Variants in DYNC2I2 observed in about 807,000 individuals in gnomAD.
The protein encoded by DYNC2I2 is cytoplasmic dynein 2 intermediate chain 2.
A neutral mutation model predicts 52.0 loss-of-function variants in DYNC2I2; 39 were observed. That is an observed-to-expected ratio of 0.75 (90% CI 0.58 to 0.98). DYNC2I2 has a LOEUF of 0.98. Ranked by LOEUF, DYNC2I2 falls within the 50% of genes least tolerant of loss-of-function variation. The pLI is 0.00. For synonymous variants in DYNC2I2, 359 were observed against 321.1 expected (o/e 1.12, Z -1.26); for missense variants, 743 against 728.4 (o/e 1.02, Z -0.23).
At chr9:128,658,930 C>G (rs529902890), upstream of DYNC2I2, among the ~76,000 whole-genome samples, 1 of 151,562 alleles carries the variant, frequency 6.6e-6, no homozygotes, top group Non-Finnish European at 1.5e-5. Flanking sequence ...GGGGTCTCCC[C>G]GTGTTGCCCA....
the DYNC2I2 span, among the ~76,000 whole-genome samples, chr9:128,681,302 G>T: frequency 6.6e-6 from 1 of 151,902 alleles, no homozygotes. Context: ...TGTTGGCCAG[G>T]CTGGTCTTAA....
the DYNC2I2 span, among the ~76,000 whole-genome samples, chr9:128,666,117 T>G: frequency 6.6e-6 from 1 of 151,666 alleles, no homozygotes; most frequent in African/African-American, 2.4e-5. Context: ...TGACAAATAT[T>G]TTGGAAAAAT....
chr9:128,638,040 C>A (rs894531319), intron 2 of DYNC2I2, among the ~76,000 whole-genome samples: 1 of 151,456 alleles, frequency 6.6e-6, no homozygotes, highest in Non-Finnish European at 1.5e-5. Flanking sequence ...AGTTCAAGAC[C>A]AGTGTAGGCA....
chr9:128,633,769 C>CA lies in DYNC2I2; in HGVS notation c.1585dup (p.Cys529LeufsTer32). On this transcript the variant is annotated frameshift_variant, in exon 9 of 9. Coordinates refer to ENST00000372715, the MANE Select transcript of DYNC2I2 (RefSeq NM_052844.4). LOFTEE classifies it high-confidence loss of function. ...TCAGGCCGCCACCTCTGCTGCCAGG[C>CA]AGTCCAGGTCCTCAGCTTCCCGGGG... 6.2e-7 allele frequency: 1 copy of CA among 1,613,438 alleles called. No individual in the cohort carries two copies. The highest frequency in any genetic ancestry group is 8.5e-7 in the Non-Finnish European group (1 of 1,180,032).
At chr9:128,672,051 G>A in the DYNC2I2 span, among the ~76,000 whole-genome samples, 4 of 150,884 alleles carry the variant, frequency 2.7e-5, no homozygotes, top group Admixed American at 2.7e-4. Flanking sequence ...TCAGCTCACT[G>A]CAACCTCCAC....
At chr9:128,649,688 C>CAAAAAAAAAAAAAA (rs34154610) in intron 1 of DYNC2I2, among the ~76,000 whole-genome samples, 5 of 47,230 alleles carry the variant, frequency 1.1e-4, no homozygotes, top group African/African-American at 6.8e-4. Context: ...GACTCCATCT[C>CAAAAAAAAAAAAAA]AAAAAAAAAA....
intron 4 of DYNC2I2, 138 bp downstream of exon 4, chr9:128,636,143 T>A: frequency 7.5e-7 from 1 of 1,327,596 alleles, no homozygotes; most frequent in Non-Finnish European, 1.1e-6. Flanking sequence ...GACCTTCACC[T>A]GGGCTCCAGA....
chr9:128,660,129 G>C (rs187619757), upstream of DYNC2I2, among the ~76,000 whole-genome samples: 150 of 150,988 alleles, frequency 9.9e-4, no homozygotes, highest in African/African-American at 3.5e-3. Context: ...TTATTTTTGA[G>C]ACGGAGTCTC....
chr9:128,674,436 C>T, the DYNC2I2 span, among the ~76,000 whole-genome samples: 1 of 150,158 alleles, frequency 6.7e-6, no homozygotes, highest in African/African-American at 2.4e-5. Context: ...GCCTGGCCGT[C>T]TCTAGCTAAT....
At chr9:128,673,804 C>CTTT in the DYNC2I2 span, among the ~76,000 whole-genome samples, 5 of 141,692 alleles carry the variant, frequency 3.5e-5, no homozygotes, top group East Asian at 4.1e-4. Context: ...CCGCACCCAG[C>CTTT]TATTTTTTTT....
intron 2 of DYNC2I2, among the ~76,000 whole-genome samples, chr9:128,637,749 G>A (rs1337047029): frequency 1.3e-5 from 2 of 152,060 alleles, no homozygotes; most frequent in African/African-American, 4.8e-5. Context: ...GGCTGCCCAC[G>A]ATTTTTTGTC....
the DYNC2I2 span, among the ~76,000 whole-genome samples, chr9:128,678,639 T>G: frequency 6.6e-6 from 1 of 151,460 alleles, no homozygotes; most frequent in South Asian, 2.1e-4. Flanking sequence ...TTTTTGTATT[T>G]TTAGTAGAGA....
intron 1 of DYNC2I2, among the ~76,000 whole-genome samples, chr9:128,645,616 C>CAAAAAAAAAAAAA (rs59742854): frequency 1.6e-5 from 1 of 63,954 alleles, no homozygotes; most frequent in African/African-American, 6.0e-5. Context: ...GACTCCATCT[C>CAAAAAAAAAAAAA]AAAAAAAAAA....
chr9:128,652,622 T>C (rs1226280408), intron 1 of DYNC2I2, among the ~76,000 whole-genome samples: 1 of 8,728 alleles, frequency 1.1e-4, no homozygotes, highest in Non-Finnish European at 3.0e-4. Context: ...AAATTCCGTC[T>C]CAAAAAAAAA....
At chr9:128,663,652 T>A in the DYNC2I2 span, 1 of 129,106 alleles carries the variant, frequency 7.7e-6, no homozygotes, top group Non-Finnish European at 1.6e-5. Flanking sequence ...TTTTTTTCTT[T>A]TTTTTTTTTT....
chr9:128,635,669 G>A lies in DYNC2I2; in HGVS notation c.802C>T (p.Pro268Ser), dbSNP rs1173754874. 6.2e-7 allele frequency: 1 copy of A among 1,607,392 alleles called. No individual in the cohort carries two copies. The highest frequency in any genetic ancestry group is 8.5e-7 in the Non-Finnish European group (1 of 1,176,876). ...GCCCCTGCCCTGACCTGGGACACAG[G>A]GTCTGTGTGGGTGTCATCCGTCAGG... is the stretch of plus-strand genomic sequence containing the variant. Reference protein sequence around the residue: ...TGLTDDTHTDPVSQVVWLPEP... With the variant: ...TGLTDDTHTDSVSQVVWLPEP... The change falls in exon 5 of 9, where the codon CCT becomes TCT. Residue 268 changes from proline to serine, a missense_variant. Pro to Ser is a moderately conservative substitution (Grantham distance 74). Coordinates refer to ENST00000372715, the MANE Select transcript of DYNC2I2 (RefSeq NM_052844.4).
the DYNC2I2 span, among the ~76,000 whole-genome samples, chr9:128,674,280 G>GC: frequency 1.1e-3 from 164 of 151,346 alleles, no homozygotes; most frequent in African/African-American, 3.8e-3. Context: ...GACTACAGGC[G>GC]CCCGCCACCA....
intron 1 of DYNC2I2, among the ~76,000 whole-genome samples, chr9:128,655,773 T>C (rs184060656): frequency 5.9e-4 from 89 of 150,498 alleles, no homozygotes; most frequent in African/African-American, 2.1e-3. Flanking sequence ...TAGCCAGGCG[T>C]GCTGGCGGCC....
the DYNC2I2 span, among the ~76,000 whole-genome samples, chr9:128,679,016 C>G: frequency 6.6e-6 from 1 of 152,056 alleles, no homozygotes; most frequent in East Asian, 1.9e-4. Flanking sequence ...TTGCAGTGAG[C>G]CGAGATTGCG....
Sources: allele counts gnomAD v4.1 joint callset (sites outside exome capture counted in the v4.1 genomes callset), GRCh38; gene constraint gnomAD v4.1.1; transcripts MANE v1.5; gene names NCBI Gene and HGNC (gene_info 2026-07-23, HGNC 2026-07-21).